Variants in CDH2 observed in about 807,000 individuals in gnomAD.
CDH2 encodes the protein cadherin 2.
A neutral mutation model predicts 92.0 loss-of-function variants in CDH2; 17 were observed. The ratio of observed to expected loss-of-function variants is 0.18; its 90% CI spans 0.13 to 0.28. The LOEUF is 0.28. Among genes scored for constraint, CDH2 ranks in the 10% least tolerant of loss-of-function variants. The probability of loss-of-function intolerance (pLI) is 1.00; values close to 1 mark genes in which losing one functional copy is unlikely to be tolerated. For synonymous variants in CDH2, 419 were observed against 415.9 expected (o/e 1.01, Z -0.09); for missense variants, 862 against 1,133.1 (o/e 0.76, Z 3.44).
At chr18:27,964,415 T>C (rs534740800) in intron 14 of CDH2, among the ~76,000 whole-genome samples, 6 of 152,282 alleles carry the variant, frequency 3.9e-5, no homozygotes, top group Admixed American at 6.5e-5. Context: ...TTTGGGCAAA[T>C]AGTTGGTAGT....
At chr18:28,100,514 C>G (rs932492490) in intron 2 of CDH2, among the ~76,000 whole-genome samples, 1 of 140,130 alleles carries the variant, frequency 7.1e-6, no homozygotes, top group East Asian at 1.9e-4. Context: ...TCCATAATCC[C>G]ATGAGCTAAT....
intron 5 of CDH2, among the ~76,000 whole-genome samples, chr18:28,006,717 C>CAAAAAA (rs35592550): frequency 2.6e-5 from 2 of 77,610 alleles, no homozygotes; most frequent in Non-Finnish European, 2.7e-5. Context: ...GACTCTGTCT[C>CAAAAAA]AAAAAAAAAA....
chr18:27,947,409 CTG>C (rs745556649), downstream of CDH2, among the ~76,000 whole-genome samples: 1 of 151,676 alleles, frequency 6.6e-6, no homozygotes, highest in Non-Finnish European at 1.5e-5. Context: ...GTAAATGAAA[CTG>C]TTAGCTTTTC....
At chr18:28,166,170 A>ATATATATG (rs1020592723) in intron 1 of CDH2, among the ~76,000 whole-genome samples, 3 of 136,100 alleles carry the variant, frequency 2.2e-5, no homozygotes, top group Admixed American at 7.3e-5. Flanking sequence ...ATATATATAT[A>ATATATATG]TATGTCTGTA....
At chr18:28,094,354 G>A (rs959833397) in intron 2 of CDH2, among the ~76,000 whole-genome samples, 2 of 151,946 alleles carry the variant, frequency 1.3e-5, no homozygotes, top group African/African-American at 4.8e-5. Flanking sequence ...CAGGCATGGT[G>A]GTGCAAGTCT....
intron 2 of CDH2, among the ~76,000 whole-genome samples, chr18:28,074,072 G>T (rs1385285631): frequency 2.6e-5 from 4 of 152,084 alleles, no homozygotes. Context: ...TTAATTTTTG[G>T]TTTTTATTCA....
intron 2 of CDH2, among the ~76,000 whole-genome samples, chr18:28,072,712 C>T (rs766769010): frequency 6.6e-6 from 1 of 152,210 alleles, no homozygotes; most frequent in Admixed American, 6.5e-5. Flanking sequence ...GATGTACTTC[C>T]TATTCCAATG....
chr18:28,034,066 T>C (rs2013765219), intron 2 of CDH2, among the ~76,000 whole-genome samples: 2 of 152,082 alleles, frequency 1.3e-5, no homozygotes, highest in African/African-American at 4.8e-5. Flanking sequence ...TTATCAATTC[T>C]TTCTGGTTTG....
chr18:27,985,940 C>G (rs961270580), intron 11 of CDH2, among the ~76,000 whole-genome samples, 179 bp from the exon 12 acceptor site: 3 of 152,212 alleles, frequency 2.0e-5, no homozygotes, highest in African/African-American at 7.2e-5. Flanking sequence ...TCTTGCTTCC[C>G]TGCTAGAATG....
intron 2 of CDH2, among the ~76,000 whole-genome samples, chr18:28,143,441 A>G (rs922247480): frequency 6.6e-6 from 1 of 151,934 alleles, no homozygotes; most frequent in South Asian, 2.1e-4. Flanking sequence ...TAAGGACTAC[A>G]TATTATCTTC....
intron 2 of CDH2, among the ~76,000 whole-genome samples, chr18:28,046,459 CAAAA>C (rs1446992159): frequency 6.6e-6 from 1 of 151,944 alleles, no homozygotes; most frequent in Non-Finnish European, 1.5e-5. Context: ...GTCAGAAACC[CAAAA>C]AGTAAGAATT....
At chr18:27,965,976 A>G (rs1468894405) in intron 14 of CDH2, among the ~76,000 whole-genome samples, 1 of 136,238 alleles carries the variant, frequency 7.3e-6, no homozygotes, top group Non-Finnish European at 1.5e-5. Context: ...CGACAGAAAG[A>G]CTCTGTCTAA....
intron 2 of CDH2, among the ~76,000 whole-genome samples, chr18:28,087,137 T>C (rs748976554): frequency 6.6e-6 from 1 of 152,228 alleles, no homozygotes; most frequent in Non-Finnish European, 1.5e-5. Flanking sequence ...TTTGAAATGC[T>C]ATCTTTTGCC....
intron 2 of CDH2, among the ~76,000 whole-genome samples, chr18:28,081,975 T>C (rs2014839630): frequency 6.6e-6 from 1 of 152,324 alleles, no homozygotes; most frequent in East Asian, 1.9e-4. Context: ...TCTTTTTCAG[T>C]GTCAGCTCTT....
chr18:28,128,610 C>G (rs2015716051), intron 2 of CDH2, among the ~76,000 whole-genome samples: 1 of 151,208 alleles, frequency 6.6e-6, no homozygotes, highest in African/African-American at 2.4e-5. Flanking sequence ...TGATTGAGCT[C>G]AGAAGGTCAA....
intron 6 of CDH2, among the ~76,000 whole-genome samples, chr18:27,945,962 A>G (rs576842307): frequency 3.9e-5 from 6 of 152,330 alleles, no homozygotes; most frequent in African/African-American, 7.2e-5. Context: ...AATCACACAC[A>G]TATTTGGCTA....
In CDH2 at chr18:28,107,805, G is replaced by T. The variant is rs896678132; in HGVS notation, c.172+39868C>A. Among the ~76,000 whole-genome samples the T allele has an allele frequency of 3.9e-5, 6 of 151,920 alleles. No individual in the cohort carries two copies. In the East Asian group the frequency reaches 1.2e-3, roughly 29 times the overall value. ...AGCCATTTAAAAAAAAAGGAATCAG[G>T]TGAAGACTACCAATTATCACCTTCT... On this transcript the variant is annotated intron_variant, in intron 2 of 15. Coordinates refer to ENST00000269141, the MANE Select transcript of CDH2 (RefSeq NM_001792.5).
chr18:28,108,680 C>T (rs1262290268), intron 2 of CDH2, among the ~76,000 whole-genome samples: 1 of 151,770 alleles, frequency 6.6e-6, no homozygotes, highest in Non-Finnish European at 1.5e-5. Flanking sequence ...CAAGTTTATT[C>T]TGTGATACTA....
At chr18:28,153,696 TACA>T (rs2016162012) in intron 1 of CDH2, among the ~76,000 whole-genome samples, 1 of 152,190 alleles carries the variant, frequency 6.6e-6, no homozygotes, top group South Asian at 2.1e-4. Flanking sequence ...TCCCCATCTG[TACA>T]ACAAGAGTAC....
Sources: gnomAD v4.1 joint callset for allele counts (sites outside exome capture counted in the v4.1 genomes callset) on GRCh38, gnomAD v4.1.1 for gene constraint, MANE v1.5 for transcripts, NCBI Gene and HGNC (gene_info 2026-07-23, HGNC 2026-07-21) for gene names.